Variants in KDM4C observed in about 807,000 individuals in gnomAD.
KDM4C encodes lysine demethylase 4C.
A neutral mutation model predicts 129.3 loss-of-function variants in KDM4C; 81 were observed. That is an observed-to-expected ratio of 0.63 (90% confidence interval 0.52 to 0.75). The LOEUF is 0.75. Ranked by LOEUF, KDM4C falls within the 30% of genes least tolerant of loss-of-function variation. The pLI is 0.00. For synonymous variants in KDM4C, 573 were observed against 456.1 expected, an observed-to-expected ratio of 1.26 and a Z score of -3.26; for missense variants, 1,457 against 1,304.0, an observed-to-expected ratio of 1.12 and a Z score of -1.81.
chr9:7,109,220 A>G (rs1838040448), intron 18 of KDM4C, among the ~76,000 whole-genome samples: 1 of 152,236 alleles, frequency 6.6e-6, no homozygotes, highest in African/African-American at 2.4e-5. Flanking sequence ...ACAGGATTTT[A>G]TACTTGGGTC....
intron 17 of KDM4C, among the ~76,000 whole-genome samples, chr9:7,099,413 C>G (rs1046105770): frequency 2.0e-5 from 3 of 152,318 alleles, no homozygotes; most frequent in Middle Eastern, 3.4e-3. Flanking sequence ...CATTAGTAGC[C>G]TTAATGGCCT....
intron 12 of KDM4C, among the ~76,000 whole-genome samples, chr9:7,005,620 A>C (rs573056586): frequency 6.6e-6 from 1 of 152,214 alleles, no homozygotes; most frequent in African/African-American, 2.4e-5. Context: ...ATTATAACTA[A>C]AATTTTTCCC....
chr9:6,939,063 G>T (rs554564547), intron 8 of KDM4C, among the ~76,000 whole-genome samples: 1 of 151,576 alleles, frequency 6.6e-6, no homozygotes, highest in Non-Finnish European at 1.5e-5. Context: ...ATCTCCTGCT[G>T]TGTGGCCCAG....
At chr9:7,104,794 C>T (rs1214485003) in intron 18 of KDM4C, among the ~76,000 whole-genome samples, 1 of 152,176 alleles carries the variant, frequency 6.6e-6, no homozygotes, top group Non-Finnish European at 1.5e-5. Context: ...CTCCTATGTC[C>T]CTAATAACCT....
intron 8 of KDM4C, chr9:6,978,877 A>C (rs548442196): frequency 4.5e-4 from 69 of 152,262 alleles, no homozygotes; most frequent in African/African-American, 1.6e-3. Context: ...ACCATGGCTT[A>C]TCTGCTGTTT....
intron 7 of KDM4C, among the ~76,000 whole-genome samples, chr9:6,889,684 C>T (rs1318673433): frequency 6.6e-6 from 1 of 152,200 alleles, no homozygotes; most frequent in East Asian, 1.9e-4. Flanking sequence ...TTAAGTTGGA[C>T]TGTTACAAGG....
chr9:7,065,115 G>T (rs926808339), intron 17 of KDM4C, among the ~76,000 whole-genome samples: 5 of 152,008 alleles, frequency 3.3e-5, no homozygotes, highest in African/African-American at 1.2e-4. Flanking sequence ...CCTATCAAAG[G>T]GAATTTGCAT....
chr9:6,834,388 C>G, intron 4 of KDM4C: 2 of 360,536 alleles, frequency 5.5e-6, no homozygotes, highest in South Asian at 4.7e-5. Context: ...AAGACCACGT[C>G]CGCCCCGTGA....
chr9:6,853,821 C>A (rs1018388656), intron 5 of KDM4C, among the ~76,000 whole-genome samples: 19 of 152,146 alleles, frequency 1.2e-4, no homozygotes, highest in African/African-American at 4.6e-4. Context: ...AAACCCCAAT[C>A]TGTCACTTAC....
intron 3 of KDM4C, among the ~76,000 whole-genome samples, chr9:6,814,312 C>T (rs1308377370): frequency 6.6e-6 from 1 of 151,932 alleles, no homozygotes; most frequent in Non-Finnish European, 1.5e-5. Flanking sequence ...AATTTCTTAG[C>T]ATAGTATAGT....
At chr9:7,116,680 T>C (rs1004679332) in intron 18 of KDM4C, among the ~76,000 whole-genome samples, 17 of 152,198 alleles carry the variant, frequency 1.1e-4, no homozygotes, top group African/African-American at 4.1e-4. Flanking sequence ...ATTGGCGAGG[T>C]AGGCAGAATC....
intron 8 of KDM4C, among the ~76,000 whole-genome samples, chr9:6,955,168 CCT>C (rs1828851015): frequency 6.6e-6 from 1 of 152,170 alleles, no homozygotes; most frequent in Non-Finnish European, 1.5e-5. Flanking sequence ...GATCTGAATG[CCT>C]CTCTATATTT....
intron 8 of KDM4C, among the ~76,000 whole-genome samples, chr9:6,900,480 C>T (rs1344593316): frequency 2.0e-5 from 3 of 152,204 alleles, no homozygotes; most frequent in Non-Finnish European, 1.5e-5. Flanking sequence ...TTCCTAAAGT[C>T]AGTGGAGCCA....
At chr9:6,859,452 C>T (rs1167930221) in intron 5 of KDM4C, among the ~76,000 whole-genome samples, 5 of 118,634 alleles carry the variant, frequency 4.2e-5, no homozygotes, top group Admixed American at 3.3e-4. Flanking sequence ...TCCAGCCTGG[C>T]GACAGAGCGG....
At chr9:6,849,857 T>C (rs1838516275) in intron 5 of KDM4C, among the ~76,000 whole-genome samples, 157 bp downstream of exon 5, 1 of 152,238 alleles carries the variant, frequency 6.6e-6, no homozygotes, top group Admixed American at 6.5e-5. Flanking sequence ...TTCTATTCTG[T>C]CTGGGATTGT....
chr9:7,038,698 G>T (rs945121891), intron 15 of KDM4C, among the ~76,000 whole-genome samples: 2 of 152,046 alleles, frequency 1.3e-5, no homozygotes, highest in African/African-American at 2.4e-5. Flanking sequence ...AAGTCAGCCT[G>T]CTGAGTCATT....
chr9:7,076,753 T>C (rs1587485568), intron 17 of KDM4C: 2 of 1,144,464 alleles, frequency 1.7e-6, no homozygotes, highest in Non-Finnish European at 2.1e-6. Flanking sequence ...CTTTGATTAA[T>C]GTACTTTCTG....
intron 2 of KDM4C, among the ~76,000 whole-genome samples, chr9:6,799,307 A>C (rs988874996): frequency 6.6e-6 from 1 of 152,258 alleles, no homozygotes; most frequent in East Asian, 1.9e-4. Flanking sequence ...CTCTGTCTGC[A>C]ATCCCGGCAT....
At chr9:6,974,820 CT>C (rs1346570871) in intron 8 of KDM4C, 2 of 152,192 alleles carry the variant, frequency 1.3e-5, no homozygotes, top group East Asian at 3.8e-4. Context: ...AACAAAACAA[CT>C]TTATCTACCC....
Sources: allele counts gnomAD v4.1 joint callset (sites outside exome capture counted in the v4.1 genomes callset), GRCh38; gene constraint gnomAD v4.1.1; transcripts MANE v1.5; gene names NCBI Gene and HGNC (gene_info 2026-07-23, HGNC 2026-07-21).